Variants in RABEP2 observed in about 807,000 individuals in gnomAD.
The protein encoded by RABEP2 is rabaptin, RAB GTPase binding effector protein 2, also known as rab GTPase-binding effector protein 2.
Under a neutral mutation model 74.1 loss-of-function variants are expected in RABEP2, and 57 were observed. The ratio of observed to expected loss-of-function variants is 0.77; its 90% CI spans 0.62 to 0.96. The LOEUF is 0.96. Among genes scored for constraint, RABEP2 ranks in the 40% least tolerant of loss-of-function variants. RABEP2 has a pLI of 0.00. For synonymous variants in RABEP2, 351 were observed against 344.0 expected, an observed-to-expected ratio of 1.02 and a Z score of -0.23; for missense variants, 692 against 756.3, an observed-to-expected ratio of 0.91 and a Z score of 1.00.
At chr16:28,905,593 C>A in intron 11 of RABEP2, 80 bp from the exon 12 acceptor site, 1 of 1,510,058 alleles carries the variant, frequency 6.6e-7, no homozygotes, top group East Asian at 2.4e-5. Flanking sequence ...GCCGTTGCCC[C>A]AGGGCTTCCT....
intron 3 of RABEP2, among the ~76,000 whole-genome samples, chr16:28,919,060 G>A (rs772089671): frequency 2.0e-5 from 3 of 152,214 alleles, no homozygotes; most frequent in Non-Finnish European, 2.9e-5. Context: ...GAGCCTTATC[G>A]TACTCATCTG....
intron 3 of RABEP2, among the ~76,000 whole-genome samples, chr16:28,919,297 AG>A (rs1184201703): frequency 6.6e-6 from 1 of 152,204 alleles, no homozygotes; most frequent in Non-Finnish European, 1.5e-5. Context: ...CTGGGATTAC[AG>A]GTGTGCGCCG....
chr16:28,925,108 C>G lies in RABEP2; in HGVS notation c.56G>C (p.Gly19Ala). Reference protein sequence around the residue: ...ADDDERRRRPGAALEDSRSQE... With the variant: ...ADDDERRRRPAAALEDSRSQE... ...ACGGACGCCCCCTCACGTACCAGCC[C>G]CCGGCCGCCGCCGCCGCTCATCGTC... Residue 19 changes from glycine (G) to alanine (A), a missense_variant, in exon 1 of 13, where the codon GGG (glycine) becomes GCG (alanine). By Grantham distance (60) the Gly-to-Ala change is moderately conservative (BLOSUM62 0). Transcript: ENST00000358201. 6.5e-7 allele frequency: 1 copy of G among 1,539,918 alleles called. No individual in the cohort carries two copies. Among genetic ancestry groups the G allele is most frequent in the Non-Finnish European group, 8.7e-7 (1 of 1,150,180 alleles).
In RABEP2 at chr16:28,904,458, A is replaced by C; in HGVS notation, c.*485T>G. On this transcript the variant is annotated 3_prime_UTR_variant, in exon 13 of 13. Coordinates refer to ENST00000358201, the MANE Select transcript of RABEP2 (RefSeq NM_024816.3). Reference sequence around the variant, plus strand: ...CTTATTTATTGAAAATAAACGACGGAAAAGTCTGGCCTTGCCTCTGTGCAA... The same window carrying C: ...CTTATTTATTGAAAATAAACGACGGCAAAGTCTGGCCTTGCCTCTGTGCAA... 1 of 1,519,710 alleles carries C rather than the reference A, an allele frequency of 6.6e-7. No individual in the cohort carries two copies. The highest frequency in any genetic ancestry group is 8.8e-7 in the Non-Finnish European group (1 of 1,136,598). 94.1% of individuals were successfully genotyped at this position (1,519,710 alleles called of 1,614,324 possible).
chr16:28,906,339 A>C, intron 8 of RABEP2, 143 bp from the exon 9 acceptor site: 13 of 1,127,590 alleles, frequency 1.2e-5, no homozygotes, highest in South Asian at 1.6e-5. Context: ...AGAGCCCAAA[A>C]TGCCCATCAT....
At position 28,904,733 on chromosome 16, in the gene RABEP2, C is replaced by T; in HGVS notation, c.*210G>A. On this transcript the variant is annotated 3_prime_UTR_variant, in exon 13 of 13. Transcript: ENST00000358201. ...TTTGGTTCCGGGAGGGGCTTGGGCC[C>T]CTCACCCAGGTGTGATCCCTGAGAA... The T allele has an allele frequency of 3.1e-6, 2 of 641,550 alleles. No homozygotes were observed. Among genetic ancestry groups the T allele is most frequent in the Non-Finnish European group, 5.3e-6 (2 of 380,922 alleles). 39.7% of individuals were successfully genotyped at this position (641,550 alleles called of 1,614,324 possible).
intron 7 of RABEP2, among the ~76,000 whole-genome samples, chr16:28,909,634 A>G (rs995638164): frequency 6.6e-6 from 1 of 151,908 alleles, no homozygotes; most frequent in East Asian, 1.9e-4. Context: ...GGATTGCTTG[A>G]GCCCAGAAAG....
chr16:28,914,513 G>A lies in RABEP2; in HGVS notation c.617C>T (p.Pro206Leu), dbSNP rs746435432. 53 of 1,613,050 alleles carry A rather than the reference G, an allele frequency of 3.3e-5. No individual in the cohort carries two copies. Among genetic ancestry groups the A allele is most frequent in the South Asian group, 8.8e-5 (8 of 91,034 alleles). Residue 206 changes from proline to leucine, a missense_variant, in exon 5 of 13, where the codon CCG becomes CTG. Pro to Leu is a moderately conservative substitution (Grantham distance 98). Coordinates refer to ENST00000358201, the MANE Select transcript of RABEP2 (RefSeq NM_024816.3). ...GCTCAGCTCCTCCAGAGGCTCCAGCGGGGGCGATGGATCCCGGGACAGGGG... is the reference window on the plus strand; with the variant it reads ...GCTCAGCTCCTCCAGAGGCTCCAGCAGGGGCGATGGATCCCGGGACAGGGG... ...LLPLSRDPSP[P>L]LEPLEELSGD... is the part of the protein sequence containing the mutation.
intron 8 of RABEP2, among the ~76,000 whole-genome samples, chr16:28,907,863 G>T (rs373296239): frequency 1.3e-5 from 2 of 152,060 alleles, no homozygotes; most frequent in African/African-American, 4.8e-5. Context: ...GCAATGGCGC[G>T]ATTTCGGCTC....
chr16:28,905,819 C>A, intron 10 of RABEP2, 48 bp downstream of exon 10: 1 of 1,613,966 alleles, frequency 6.2e-7, no homozygotes, highest in Non-Finnish European at 8.5e-7. Flanking sequence ...CCCCACCTAG[C>A]CCAGCCAGGG....
intron 1 of RABEP2, 79 bp downstream of exon 1, chr16:28,925,023 AC>A: frequency 3.0e-6 from 3 of 1,002,136 alleles, no homozygotes; most frequent in Non-Finnish European, 2.5e-6. Flanking sequence ...ATCCCTCTCC[AC>A]CCCCCATCCG....
At chr16:28,905,287 C>A in intron 12 of RABEP2, 110 bp downstream of exon 12, 4 of 809,998 alleles carry the variant, frequency 4.9e-6, no homozygotes, top group South Asian at 3.2e-5. Flanking sequence ...ACCATGCCAG[C>A]CCCAGGAGGA....
chr16:28,919,494 C>T (rs1964439736), intron 3 of RABEP2, among the ~76,000 whole-genome samples: 1 of 152,224 alleles, frequency 6.6e-6, no homozygotes, highest in Non-Finnish European at 1.5e-5. Context: ...CACCAGAAGT[C>T]AATATTTAAT....
chr16:28,909,984 G>A (rs371265094), intron 7 of RABEP2, among the ~76,000 whole-genome samples: 8 of 145,362 alleles, frequency 5.5e-5, no homozygotes, highest in African/African-American at 1.8e-4. Flanking sequence ...AGCCGAGATC[G>A]TGCCACTGCA....
chr16:28,913,300 C>A (rs569804676), intron 5 of RABEP2, among the ~76,000 whole-genome samples: 5 of 152,164 alleles, frequency 3.3e-5, no homozygotes, highest in Admixed American at 3.3e-4. Flanking sequence ...GGGTCAGTCT[C>A]CCTCACTGCC....
intron 5 of RABEP2, among the ~76,000 whole-genome samples, chr16:28,913,843 C>T (rs1407042800): frequency 6.9e-6 from 1 of 145,148 alleles, no homozygotes. Flanking sequence ...GTGGGTGGCA[C>T]GATCTCGGTT....
chr16:28,911,176 G>A lies in RABEP2; in HGVS notation c.898C>T (p.Arg300Ter), dbSNP rs374329293. ...CTCTCCAGGTCCTTCTGCAGCTGTC[G>A]GCCCTGCCACAGACCCTGCCTTCAG... Reference protein sequence around the residue: ...TQWEQLQTEGRQLQKDLESVS... With the variant: ...TQWEQLQTEG The change falls in exon 6 of 13, where the codon CGA becomes TGA. Residue 300 changes from arginine (R) to a stop codon, truncating the protein, a stop_gained. Coordinates refer to ENST00000358201, the MANE Select transcript of RABEP2 (RefSeq NM_024816.3). LOFTEE classifies it high-confidence loss of function. 2 of 1,608,524 alleles carry A rather than the reference G, an allele frequency of 1.2e-6. No individual in the cohort carries two copies. Among genetic ancestry groups the A allele is most frequent in the Non-Finnish European group, 1.7e-6 (2 of 1,179,872 alleles).
intron 5 of RABEP2, among the ~76,000 whole-genome samples, chr16:28,912,793 C>T (rs1415984365): frequency 1.3e-5 from 2 of 152,104 alleles, no homozygotes; most frequent in Non-Finnish European, 2.9e-5. Context: ...TCTCCTAAGA[C>T]GCACAATGCA....
chr16:28,920,898 C>G lies in RABEP2; in HGVS notation c.275-955G>C, dbSNP rs927578199. 4.6e-5 allele frequency among the ~76,000 whole-genome samples: 7 copies of G among 151,770 alleles called. No homozygotes were observed. In the South Asian group the frequency reaches 8.3e-4, roughly 18 times the overall value. On this transcript the variant is annotated intron_variant, in intron 2 of 12. Transcript: ENST00000358201. ...TTAATTTTTGAGAAAGGGTCTCACTCTGTTGCCCAGGCTGAAGTGCAGTGT... is the reference window on the plus strand; with the variant it reads ...TTAATTTTTGAGAAAGGGTCTCACTGTGTTGCCCAGGCTGAAGTGCAGTGT...
Sources: allele counts gnomAD v4.1 joint callset (sites outside exome capture counted in the v4.1 genomes callset), GRCh38; gene constraint gnomAD v4.1.1; transcripts MANE v1.5; gene names NCBI Gene and HGNC (gene_info 2026-07-23, HGNC 2026-07-21).